The following GPHN variants were observed in gnomAD, a reference collection of about 807,000 sequenced individuals.
GPHN encodes gephyrin.
Under a neutral mutation model 95.5 loss-of-function variants are expected in GPHN, and 17 were observed. The ratio of observed to expected loss-of-function variants is 0.18; its 90% CI spans 0.12 to 0.27. GPHN has a LOEUF of 0.27. GPHN is among the 10% of genes least tolerant of loss of function. The pLI is 1.00. For synonymous variants in GPHN, 320 were observed against 322.5 expected (o/e 0.99, Z 0.08); for missense variants, 660 against 978.1 (o/e 0.67, Z 4.34).
chr14:67,639,740 G>A, the GPHN span, among the ~76,000 whole-genome samples: 1 of 151,998 alleles, frequency 6.6e-6, no homozygotes, highest in Admixed American at 6.6e-5. Flanking sequence ...AGCCAACATG[G>A]CGAAACCCTG....
At chr14:67,093,526 G>C (rs2153671659) in intron 12 of GPHN, among the ~76,000 whole-genome samples, 1 of 152,052 alleles carries the variant, frequency 6.6e-6, no homozygotes, top group African/African-American at 2.4e-5. Flanking sequence ...TGAAAAAGAG[G>C]GCCTTATGAT....
At chr14:67,301,422 G>A in the GPHN span, 1 of 1,610,268 alleles carries the variant, frequency 6.2e-7, no homozygotes, top group Admixed American at 1.7e-5. Context: ...TCATCATAAG[G>A]AAGGACAAGA....
At chr14:67,674,577 C>T in the GPHN span, 30 of 1,139,674 alleles carry the variant, frequency 2.6e-5, no homozygotes, top group Admixed American at 3.4e-5. Flanking sequence ...AGCCCAGTGG[C>T]CATAACGGCG....
At chr14:67,173,227 G>A (rs932150105) in intron 21 of GPHN, among the ~76,000 whole-genome samples, 1 of 152,158 alleles carries the variant, frequency 6.6e-6, no homozygotes, top group Non-Finnish European at 1.5e-5. Flanking sequence ...TCCACTCTAA[G>A]CACCTGTACC....
chr14:67,263,057 T>C, the GPHN span, among the ~76,000 whole-genome samples: 2 of 152,180 alleles, frequency 1.3e-5, no homozygotes, highest in African/African-American at 4.8e-5. Context: ...CCATTTGATA[T>C]CCTTGATACT....
intron 2 of GPHN, among the ~76,000 whole-genome samples, chr14:66,762,310 T>C (rs1349986465): frequency 6.6e-6 from 1 of 152,116 alleles, no homozygotes; most frequent in Non-Finnish European, 1.5e-5. Context: ...ATTTCCTAAT[T>C]TGCTTCTTTG....
the GPHN span, chr14:67,674,311 G>C: frequency 7.1e-6 from 10 of 1,409,090 alleles, no homozygotes; most frequent in South Asian, 1.3e-5. Flanking sequence ...AGGAAGGTGG[G>C]AGAATCTTCC....
chr14:67,614,460 C>T, the GPHN span, among the ~76,000 whole-genome samples: 1 of 152,124 alleles, frequency 6.6e-6, no homozygotes, highest in Non-Finnish European at 1.5e-5. Flanking sequence ...TCGAACACAA[C>T]CTTCATTAAG....
the GPHN span, among the ~76,000 whole-genome samples, chr14:67,273,630 A>G: frequency 6.6e-6 from 1 of 152,204 alleles, no homozygotes; most frequent in Non-Finnish European, 1.5e-5. Context: ...TCCTTTGGGT[A>G]TATACCCAGT....
At chr14:67,164,270 C>CAAA (rs780524695) in intron 19 of GPHN, among the ~76,000 whole-genome samples, 221 of 46,464 alleles carry the variant, frequency 4.8e-3, no homozygotes, top group African/African-American at 0.011. Context: ...ACTCCATCTC[C>CAAA]AAAAAAAAAA....
the GPHN span, among the ~76,000 whole-genome samples, chr14:67,407,299 T>C: frequency 5.9e-5 from 9 of 152,048 alleles, no homozygotes; most frequent in African/African-American, 2.2e-4. Flanking sequence ...TTTTTTGTAT[T>C]TTTAGTAGAG....
At chr14:67,324,500 A>G in the GPHN span, among the ~76,000 whole-genome samples, 10 of 152,230 alleles carry the variant, frequency 6.6e-5, no homozygotes, top group South Asian at 2.1e-4. Context: ...TTCATTGACT[A>G]TGCCTTTAAA....
chr14:67,156,788 C>G (rs987173734), intron 18 of GPHN, among the ~76,000 whole-genome samples: 2 of 151,876 alleles, frequency 1.3e-5, no homozygotes, highest in African/African-American at 4.8e-5. Flanking sequence ...ACCAGCCTAA[C>G]CAACGTAATG....
intron 2 of GPHN, among the ~76,000 whole-genome samples, chr14:66,745,613 T>C (rs1246950468): frequency 6.6e-6 from 1 of 152,012 alleles, no homozygotes; most frequent in Non-Finnish European, 1.5e-5. Context: ...ATAATTCATA[T>C]GTTAGCAACT....
chr14:67,329,700 G>A, the GPHN span, among the ~76,000 whole-genome samples: 16 of 152,060 alleles, frequency 1.1e-4, no homozygotes, highest in Non-Finnish European at 2.4e-4. Context: ...GCAACATAGT[G>A]AAATCCTGTC....
At chr14:66,753,245 C>T (rs1486959349) in intron 2 of GPHN, among the ~76,000 whole-genome samples, 1 of 151,962 alleles carries the variant, frequency 6.6e-6, no homozygotes, top group African/African-American at 2.4e-5. Context: ...TCTTGTACAT[C>T]CACCATGCAA....
chr14:67,706,109 G>A, the GPHN span: 1 of 152,044 alleles, frequency 6.6e-6, no homozygotes, highest in Non-Finnish European at 1.5e-5. Flanking sequence ...TGGGAGCAGG[G>A]GACCACCAGG....
chr14:66,537,622 C>T (rs1274416827), intron 1 of GPHN, among the ~76,000 whole-genome samples: 1 of 152,080 alleles, frequency 6.6e-6, no homozygotes, highest in Non-Finnish European at 1.5e-5. Context: ...TATTTATCCA[C>T]ATGTGTACCC....
chr14:67,599,922 G>C, the GPHN span: 1 of 957,974 alleles, frequency 1.0e-6, no homozygotes, highest in Non-Finnish European at 1.5e-6. Context: ...TATCACTGTA[G>C]GAGGGGCCGA....
Sources: gnomAD v4.1 joint callset for allele counts (sites outside exome capture counted in the v4.1 genomes callset) on GRCh38, gnomAD v4.1.1 for gene constraint, MANE v1.5 for transcripts, NCBI Gene and HGNC (gene_info 2026-07-23, HGNC 2026-07-21) for gene names.